TRIP11: variants seen among roughly 807,000 people sequenced by gnomAD.
TRIP11 encodes thyroid hormone receptor interactor 11, also known as thyroid receptor-interacting protein 11.
TRIP11 carries 148 observed loss-of-function variants against 223.1 expected under a neutral mutation model. The observed-to-expected ratio is 0.66, with a 90% CI of 0.58 to 0.76. TRIP11 has a LOEUF of 0.76. TRIP11 is among the 30% of genes least tolerant of loss of function. The pLI, the probability that TRIP11 is intolerant of heterozygous loss-of-function variation, is 0.00. For missense variants in TRIP11, 2,043 were observed against 2,222.0 expected, an observed-to-expected ratio of 0.92 and a Z score of 1.62; for synonymous variants, 762 against 772.6, an observed-to-expected ratio of 0.99 and a Z score of 0.23.
Position 92,006,258 on chromosome 14 carries a change from T to A in TRIP11, c.1718A>T (p.Asp573Val). The change falls in exon 11 of 21, where the codon GAT becomes GTT. Residue 573 changes from aspartate (D) to valine (V), a missense_variant. By Grantham distance (152) the Asp-to-Val change is radical. Coordinates refer to ENST00000267622, the MANE Select transcript of TRIP11 (RefSeq NM_004239.4). ...AAGTTTCTGCTTGGTTAAATGTAAA[T>A]CATTTAGGGCCACTTCACTTTGAAT... ...KLIQSEVALN[D>V]LHLTKQKLED... is the part of the protein sequence containing the mutation. The A allele has an allele frequency of 6.2e-7, 1 of 1,612,644 alleles. No homozygotes were observed. The highest frequency in any genetic ancestry group is 1.3e-5 in the African/African-American group (1 of 74,968).
intron 5 of TRIP11, 143 bp downstream of exon 5, chr14:92,017,539 C>G: frequency 1.5e-6 from 1 of 671,162 alleles, no homozygotes; most frequent in Non-Finnish European, 2.5e-6. Context: ...CAGTGAGATC[C>G]TATCTCTAAA....
intron 7 of TRIP11, among the ~76,000 whole-genome samples, chr14:92,013,023 C>T (rs184562993): frequency 8.5e-5 from 13 of 152,340 alleles, no homozygotes; most frequent in Admixed American, 7.2e-4. Context: ...AATCCCAGCA[C>T]TTTGGGTGGC....
chr14:91,985,064 T>C (rs2056589496), intron 16 of TRIP11, among the ~76,000 whole-genome samples: 1 of 152,190 alleles, frequency 6.6e-6, no homozygotes, highest in Non-Finnish European at 1.5e-5. Context: ...GGGAGAAATA[T>C]TTAAACAGTT....
At chr14:92,030,022 C>T (rs565214096) in intron 2 of TRIP11, among the ~76,000 whole-genome samples, 3 of 151,784 alleles carry the variant, frequency 2.0e-5, no homozygotes, top group South Asian at 4.2e-4. Flanking sequence ...ACGGTGAAAC[C>T]CCGTCTCTAC....
At chr14:92,022,021 T>G (rs1295674869) in intron 3 of TRIP11, among the ~76,000 whole-genome samples, 190 bp from the exon 4 acceptor site, 2 of 152,250 alleles carry the variant, frequency 1.3e-5, no homozygotes, top group Non-Finnish European at 2.9e-5. Context: ...ACACTCACAA[T>G]TAAAGCATAA....
Position 92,005,602 on chromosome 14 carries a change from T to C in TRIP11, c.2374A>G (p.Thr792Ala). The C allele has an allele frequency of 6.2e-7, 1 of 1,613,698 alleles. No homozygotes were observed. The highest frequency in any genetic ancestry group is 8.5e-7 in the Non-Finnish European group (1 of 1,179,964). The change falls in exon 11 of 21, where the codon ACT becomes GCT. Residue 792 changes from threonine to alanine, a missense_variant. Thr to Ala is a moderately conservative substitution (Grantham distance 58, BLOSUM62 0). Transcript: ENST00000267622. ...IEQMDTDHKE[T>A]KDVLSSSLEE... The stretch of plus-strand genomic sequence containing the variant: ...AAACTAGATGACAAAACGTCCTTAG[T>C]TTCTTTATGGTCAGTATCCATTTGT...
At chr14:91,993,119 ATATT>A (rs908104747) in intron 15 of TRIP11, among the ~76,000 whole-genome samples, 1 of 151,730 alleles carries the variant, frequency 6.6e-6, no homozygotes, top group Non-Finnish European at 1.5e-5. Context: ...GGGATAATAT[ATATT>A]GTTTTAATCC....
chr14:92,000,834 G>A (rs1478374289), intron 11 of TRIP11, among the ~76,000 whole-genome samples: 1 of 151,986 alleles, frequency 6.6e-6, no homozygotes, highest in Non-Finnish European at 1.5e-5. Flanking sequence ...AAACGTGTCA[G>A]GCTGCTTTAC....
At chr14:91,970,942 A>G (rs2056394172) in intron 20 of TRIP11, among the ~76,000 whole-genome samples, 2 of 152,370 alleles carry the variant, frequency 1.3e-5, no homozygotes, top group South Asian at 4.1e-4. Context: ...AACCCATATT[A>G]CAATGATAAC....
At chr14:91,976,739 C>T (rs2056469554) in intron 16 of TRIP11, among the ~76,000 whole-genome samples, 1 of 151,986 alleles carries the variant, frequency 6.6e-6, no homozygotes, top group Non-Finnish European at 1.5e-5. Flanking sequence ...CTCTAATATA[C>T]AAATCAAGAT....
chr14:92,031,053 C>T (rs2057258894), intron 2 of TRIP11, among the ~76,000 whole-genome samples: 1 of 152,026 alleles, frequency 6.6e-6, no homozygotes, highest in Non-Finnish European at 1.5e-5. Context: ...AGTTTGAGAC[C>T]AGCCTGGGCA....
intron 14 of TRIP11, among the ~76,000 whole-genome samples, 190 bp from the exon 15 acceptor site, chr14:91,994,102 T>C (rs1253234415): frequency 6.6e-6 from 1 of 152,128 alleles, no homozygotes; most frequent in Non-Finnish European, 1.5e-5. Flanking sequence ...TAAACACTTC[T>C]CCATCTTGTC....
chr14:92,024,843 AC>A (rs2057161662), intron 3 of TRIP11, among the ~76,000 whole-genome samples: 2 of 152,190 alleles, frequency 1.3e-5, no homozygotes, highest in Admixed American at 1.3e-4. Flanking sequence ...AATATCTACT[AC>A]CAGCACTGTA....
chr14:91,977,807 C>A (rs566776054), intron 16 of TRIP11, among the ~76,000 whole-genome samples: 1 of 152,228 alleles, frequency 6.6e-6, no homozygotes, highest in South Asian at 2.1e-4. Context: ...ATTTATGGTA[C>A]TAAATTCGTA....
At chr14:91,992,154 C>T (rs1263119176) in intron 15 of TRIP11, among the ~76,000 whole-genome samples, 1 of 139,616 alleles carries the variant, frequency 7.2e-6, no homozygotes, top group Admixed American at 7.2e-5. Flanking sequence ...ATTCCATTTA[C>T]ATAGACTTCA....
chr14:92,038,586 G>A (rs922427817), intron 1 of TRIP11, among the ~76,000 whole-genome samples: 2 of 151,164 alleles, frequency 1.3e-5, no homozygotes, highest in Non-Finnish European at 2.9e-5. Flanking sequence ...AATCTTTCCC[G>A]ATTTCTACCA....
intron 13 of TRIP11, 109 bp from the exon 14 acceptor site, chr14:91,995,624 T>C: frequency 1.7e-6 from 2 of 1,207,762 alleles, no homozygotes; most frequent in South Asian, 1.5e-5. Context: ...TATTTCTTTT[T>C]TTTTTTTTTG....
chr14:91,992,845 T>TTTG lies in TRIP11; in HGVS notation c.5160+961_5160+963dup, dbSNP rs1400467512. On this transcript the variant is annotated intron_variant, in intron 15 of 20. Transcript: ENST00000267622. ...AAAGGCGTGAACCCAGGAGGGGGAG[T>TTTG]TTGCAGTGAGCCGAGATCGCGCTAC... Among the ~76,000 whole-genome samples the TTTG allele has an allele frequency of 3.7e-5, 5 of 133,852 alleles. No individual in the cohort carries two copies. The Admixed American group carries it at 4.2e-4, about 11-fold the overall frequency. The allele number at this position is 133,852 out of a possible 152,430, so 87.8% of individuals were successfully genotyped here. A position where few individuals can be genotyped will look rare whatever the true frequency, so the allele number is the denominator to read the frequency against.
chr14:92,013,691 GTAAGTAAATTTATTTTTTAAA>G lies in TRIP11; in HGVS notation c.1186+503_1186+523del, dbSNP rs538584727. ...AAGTAAGTAAATGTATTAGTCTTAT[GTAAGTAAATTTATTTTTTAAA>G]TAAGTAAACTTATTTTTTAAAACGT... On this transcript the variant is annotated intron_variant, in intron 7 of 20. Coordinates refer to ENST00000267622, the MANE Select transcript of TRIP11 (RefSeq NM_004239.4). 9.7e-4 allele frequency among the ~76,000 whole-genome samples: 148 copies of G among 152,332 alleles called. No homozygotes were observed. The East Asian group carries it at 0.026, about 27-fold the overall frequency.
Sources: gnomAD v4.1 joint callset for allele counts (sites outside exome capture counted in the v4.1 genomes callset) on GRCh38, gnomAD v4.1.1 for gene constraint, MANE v1.5 for transcripts, NCBI Gene and HGNC (gene_info 2026-07-23, HGNC 2026-07-21) for gene names.